CLDN14: variants seen among roughly 807,000 people sequenced by gnomAD.
CLDN14 encodes the protein claudin-14.
A neutral mutation model predicts 2.1 loss-of-function variants in CLDN14; 2 were observed. The ratio of observed to expected loss-of-function variants is 0.96; its 90% CI spans 0.39 to 3.01. The LOEUF (loss-of-function observed/expected upper bound fraction) is 3.01. CLDN14 is among the 30% of genes most tolerant of loss of function. CLDN14 has a pLI of 0.09. For synonymous variants in CLDN14, 136 were observed against 154.4 expected, an observed-to-expected ratio of 0.88 and a Z score of 0.88; for missense variants, 298 against 328.0, an observed-to-expected ratio of 0.91 and a Z score of 0.71.
chr21:36,511,688 A>G (rs1323776991), intron 1 of CLDN14, among the ~76,000 whole-genome samples: 2 of 151,972 alleles, frequency 1.3e-5, no homozygotes, highest in African/African-American at 2.4e-5. Flanking sequence ...TTTCTTAGCT[A>G]CTACAGGAAG....
intron 2 of CLDN14, among the ~76,000 whole-genome samples, chr21:36,492,720 G>A (rs2086980766): frequency 6.6e-6 from 1 of 152,240 alleles, no homozygotes; most frequent in African/African-American, 2.4e-5. Context: ...CATGGAAGAA[G>A]GAAGACAGCC....
intron 1 of CLDN14, among the ~76,000 whole-genome samples, chr21:36,530,988 C>T (rs902888862): frequency 2.6e-5 from 4 of 152,102 alleles, no homozygotes; most frequent in Admixed American, 1.3e-4. Flanking sequence ...CCCAGCACTT[C>T]GGGAAGCCCA....
At chr21:36,468,099 G>A (rs1179794663) in intron 1 of CLDN14, among the ~76,000 whole-genome samples, 1 of 152,190 alleles carries the variant, frequency 6.6e-6, no homozygotes, top group Non-Finnish European at 1.5e-5. Context: ...TAGAAACAGC[G>A]TAAAACTTGA....
intron 1 of CLDN14, among the ~76,000 whole-genome samples, chr21:36,518,509 G>A (rs2087245555): frequency 6.6e-6 from 1 of 152,172 alleles, no homozygotes; most frequent in African/African-American, 2.4e-5. Context: ...CTGAGGTGGG[G>A]AGTCCCTTGA....
At position 36,515,789 on chromosome 21, in the gene CLDN14, C is replaced by CTTTT. The variant is rs1555850517; in HGVS notation, c.-219-5293_-219-5290dup. 1.8e-4 allele frequency among the ~76,000 whole-genome samples: 21 copies of CTTTT among 115,312 alleles called. 2 individuals are homozygous for CTTTT. Among genetic ancestry groups the CTTTT allele is most frequent in the African/African-American group, 6.7e-4 (19 of 28,210 alleles). The allele number at this position is 115,312 out of a possible 152,430, so 75.6% of individuals were successfully genotyped here. The stretch of plus-strand genomic sequence containing the variant: ...AAGCTGTGTTTCCCTTTTATCTTCT[C>CTTTT]TTTTTTTTTTTTTTTGAGACAGAGT... On this transcript the variant is annotated intron_variant, in intron 1 of 2. Transcript: ENST00000342108.
rs1033683083 is a variant in CLDN14 at position 36,498,836 on chromosome 21, G to A, written c.-82+11527C>T. ...AGCCCTGCACGAAGGTGGCCGCTGA[G>A]GGGCCCTCATGGGGGCTGAAATTCA... On this transcript the variant is annotated intron_variant, in intron 2 of 2. Transcript: ENST00000342108. This position sits in a 1 kb window ranked among gnomAD's most constrained non-coding sequence, Gnocchi z 4.9. Among the ~76,000 whole-genome samples the A allele has an allele frequency of 1.3e-5, 2 of 152,142 alleles. No homozygotes were observed. Among genetic ancestry groups the A allele is most frequent in the African/African-American group, 2.4e-5 (1 of 41,440 alleles).
chr21:36,537,082 C>T (rs552370091), intron 1 of CLDN14, among the ~76,000 whole-genome samples: 11 of 152,162 alleles, frequency 7.2e-5, no homozygotes, highest in South Asian at 2.1e-4. Context: ...TTCAGCTACT[C>T]GTGAGGCTAA....
chr21:36,548,167 C>T (rs2087538084), intron 1 of CLDN14, among the ~76,000 whole-genome samples: 1 of 152,110 alleles, frequency 6.6e-6, no homozygotes. Context: ...GTTACCTCCT[C>T]CAGGAAGCCC....
chr21:36,519,511 G>A (rs1048843324), intron 1 of CLDN14, among the ~76,000 whole-genome samples: 2 of 152,120 alleles, frequency 1.3e-5, no homozygotes, highest in Non-Finnish European at 2.9e-5. Context: ...AGGAGTTTGA[G>A]AACAGCCTGG....
intron 1 of CLDN14, among the ~76,000 whole-genome samples, chr21:36,529,451 G>A (rs900848039): frequency 2.0e-5 from 3 of 152,120 alleles, no homozygotes; most frequent in African/African-American, 7.2e-5. Flanking sequence ...ACTACGCACA[G>A]CTAATTTTTG....
chr21:36,475,346 T>C (rs556599604), intron 1 of CLDN14, among the ~76,000 whole-genome samples: 1 of 152,318 alleles, frequency 6.6e-6, no homozygotes, highest in African/African-American at 2.4e-5. Flanking sequence ...GAAGGTCTGT[T>C]CATCGTGGAG....
chr21:36,515,608 G>A (rs1244447513), intron 1 of CLDN14, among the ~76,000 whole-genome samples: 2 of 147,352 alleles, frequency 1.4e-5, no homozygotes, highest in Non-Finnish European at 3.0e-5. Context: ...GGGAGGTGGA[G>A]GTTGTAGTGA....
chr21:36,567,115 A>T (rs1201445899), intron 1 of CLDN14, among the ~76,000 whole-genome samples: 1 of 152,236 alleles, frequency 6.6e-6, no homozygotes, highest in African/African-American at 2.4e-5. Context: ...TCAGCGAGAA[A>T]AGACAGGCTG....
At chr21:36,522,470 G>A (rs907310280) in intron 1 of CLDN14, among the ~76,000 whole-genome samples, 3 of 148,496 alleles carry the variant, frequency 2.0e-5, no homozygotes, top group Admixed American at 1.3e-4. Context: ...CAAAGCCTGC[G>A]TGCCCAGCAG....
intron 1 of CLDN14, among the ~76,000 whole-genome samples, chr21:36,555,767 G>C (rs407095): frequency 0.75 from 113,011 of 151,238 alleles, 43,775 homozygotes; most frequent in Non-Finnish European, 0.87. Context: ...CACACAGCCA[G>C]GCATCTCCCA....
intron 2 of CLDN14, among the ~76,000 whole-genome samples, chr21:36,507,470 T>G (rs940090956): frequency 6.6e-6 from 1 of 151,858 alleles, no homozygotes; most frequent in African/African-American, 2.4e-5. Flanking sequence ...GTTACTTCAA[T>G]AAAAAAAGGT....
At chr21:36,502,247 A>T (rs962551421) in intron 2 of CLDN14, among the ~76,000 whole-genome samples, 4 of 152,242 alleles carry the variant, frequency 2.6e-5, no homozygotes, top group African/African-American at 7.2e-5. Context: ...CTTGTCCAAC[A>T]TTACAAAGTT....
At chr21:36,505,581 C>T (rs888856195) in intron 2 of CLDN14, among the ~76,000 whole-genome samples, 1 of 152,210 alleles carries the variant, frequency 6.6e-6, no homozygotes, top group African/African-American at 2.4e-5. Context: ...CAGCAGCTCA[C>T]CAGAACCTAA....
chr21:36,474,883 G>A (rs941325014), intron 1 of CLDN14, among the ~76,000 whole-genome samples: 7 of 152,216 alleles, frequency 4.6e-5, no homozygotes, highest in East Asian at 1.9e-4. Context: ...GGAGCAGGAG[G>A]CTGGGGGAGA....
Sources: allele counts gnomAD v4.1 joint callset (sites outside exome capture counted in the v4.1 genomes callset), GRCh38; gene constraint gnomAD v4.1.1; non-coding constraint Gnocchi (gnomAD v3.1); transcripts MANE v1.5; gene names NCBI Gene and HGNC (gene_info 2026-07-23, HGNC 2026-07-21).